The following ZNF516 variants were observed in gnomAD, a reference collection of about 807,000 sequenced individuals.
The protein encoded by ZNF516 is zinc finger protein 516.
A neutral mutation model predicts 79.7 loss-of-function variants in ZNF516; 19 were observed. The ratio of observed to expected loss-of-function variants is 0.24; its 90% CI spans 0.17 to 0.35. ZNF516 has a LOEUF of 0.35. Ranked by LOEUF, ZNF516 falls within the 10% of genes least tolerant of loss-of-function variation. The pLI, the probability that ZNF516 is intolerant of heterozygous loss-of-function variation, is 1.00. For synonymous variants in ZNF516, 877 were observed against 739.5 expected, an observed-to-expected ratio of 1.19 and a Z score of -3.02; for missense variants, 1,678 against 1,679.5, an observed-to-expected ratio of 1.00 and a Z score of 0.02.
At chr18:76,422,118 T>C (rs895323255) in intron 3 of ZNF516, among the ~76,000 whole-genome samples, 8 of 152,162 alleles carry the variant, frequency 5.3e-5, no homozygotes, top group Non-Finnish European at 7.3e-5. Context: ...TATCACCCAA[T>C]TGGAATTTGG....
In ZNF516 at chr18:76,378,976, C is replaced by T. The variant is rs690353; in HGVS notation, c.3138G>A (p.Pro1046=). The change falls in exon 4 of 7, where the codon CCG becomes CCA. Residue 1046 remains proline, a synonymous_variant. Coordinates refer to ENST00000443185, the MANE Select transcript of ZNF516 (RefSeq NM_014643.4). ...PPVLHSIKQE[P]VAEGHEKRLD... is the part of the protein sequence containing the mutation. ...GGCGCTTCTCATGCCCCTCGGCCAC[C>T]GGCTCCTGTTTGATGGAGTGTAGGA... 0.029 allele frequency: 46,886 copies of T among 1,613,474 alleles called. 3,766 individuals are homozygous for T. In the African/African-American group the frequency reaches 0.3, roughly 10 times the overall value.
intron 3 of ZNF516, among the ~76,000 whole-genome samples, chr18:76,395,887 G>A (rs911619196): frequency 3.9e-5 from 6 of 152,142 alleles, no homozygotes; most frequent in African/African-American, 1.4e-4. Context: ...CCCGCTCCTC[G>A]TCCAGCTCCC....
intron 3 of ZNF516, among the ~76,000 whole-genome samples, chr18:76,412,729 C>T (rs925086788): frequency 2.0e-5 from 3 of 152,356 alleles, no homozygotes; most frequent in Admixed American, 2.0e-4. Flanking sequence ...ACTGAGGCAG[C>T]TCCTGGACTC....
intron 2 of ZNF516, among the ~76,000 whole-genome samples, chr18:76,447,810 A>G (rs1912148426): frequency 6.6e-6 from 1 of 152,180 alleles, no homozygotes; most frequent in Non-Finnish European, 1.5e-5. Flanking sequence ...CCGTAATTTA[A>G]TTGTTTAGGC....
rs564957755 is a variant in ZNF516, at chr18:76,454,277, C to T, written c.-158+8751G>A. 2.0e-4 allele frequency among the ~76,000 whole-genome samples: 30 copies of T among 152,280 alleles called. No homozygotes were observed. The East Asian group carries it at 3.5e-3, about 18-fold the overall frequency. ...TTACCAAATTCTAAGCAATTGCTTA[C>T]GCATTTTTTGTTAAAAGAAAAAAAC... On this transcript the variant is annotated intron_variant, in intron 2 of 6. Coordinates refer to ENST00000443185, the MANE Select transcript of ZNF516 (RefSeq NM_014643.4).
chr18:76,395,655 G>C (rs1442842311), intron 3 of ZNF516, among the ~76,000 whole-genome samples: 1 of 151,946 alleles, frequency 6.6e-6, no homozygotes, highest in African/African-American at 2.4e-5. Context: ...CAGAGCTACA[G>C]TCACTGGAGT....
At chr18:76,482,831 C>T (rs1282380652) in intron 1 of ZNF516, among the ~76,000 whole-genome samples, 2 of 152,140 alleles carry the variant, frequency 1.3e-5, no homozygotes, top group Non-Finnish European at 1.5e-5. Context: ...CTGCAAAAAT[C>T]CTCACACCAC....
rs1911762516 is a variant in ZNF516, at chr18:76,442,607, T to C, written c.448A>G (p.Arg150Gly). The C allele has an allele frequency of 6.3e-7, 1 of 1,597,398 alleles. No individual in the cohort carries two copies. Among genetic ancestry groups the C allele is most frequent in the South Asian group, 1.1e-5 (1 of 90,796 alleles). Reference protein sequence around the residue: ...LNGASQADSGRVLLRSSKKGA... With the variant: ...LNGASQADSGGVLLRSSKKGA... Reference sequence around the variant, plus strand: ...TTCTTGCTGCTCCGCAGCAGGACTCTGCCGCTGTCGGCCTGCGAGGCCCCG... The same window carrying C: ...TTCTTGCTGCTCCGCAGCAGGACTCCGCCGCTGTCGGCCTGCGAGGCCCCG... The change falls in exon 3 of 7, where the codon AGA (arginine) becomes GGA (glycine). Residue 150 changes from arginine (R) to glycine (G), a missense_variant. By Grantham distance (125) the Arg-to-Gly change is moderately radical. Around this residue, in one of 5 missense-constraint regions of ZNF516, gnomAD observed 279 missense variants for 254.1 expected, o/e 1.10. Transcript: ENST00000443185.
chr18:76,441,069 C>T lies in ZNF516; in HGVS notation c.1810+176G>A, dbSNP rs752291548. Among the ~76,000 whole-genome samples, 32 of 152,256 alleles carry T rather than the reference C, an allele frequency of 2.1e-4. 1 individual carries two copies. In the Middle Eastern group the frequency reaches 0.021, roughly 98 times the overall value. On this transcript the variant is annotated intron_variant, in intron 3 of 6. Coordinates refer to ENST00000443185, the MANE Select transcript of ZNF516 (RefSeq NM_014643.4). ...AGGGACCCTGGGCAAGGGCACAAGG[C>T]CACCCGGGTGTGGAGTCCTGAGTCC...
At chr18:76,363,917 C>T (rs923006371) in intron 6 of ZNF516, among the ~76,000 whole-genome samples, 2 of 152,202 alleles carry the variant, frequency 1.3e-5, no homozygotes, top group Non-Finnish European at 2.9e-5. Context: ...CAGGGGATGC[C>T]TGTGAACACA....
chr18:76,441,174 G>C (rs879673673), intron 3 of ZNF516, 71 bp downstream of exon 3: 5 of 1,528,390 alleles, frequency 3.3e-6, no homozygotes, highest in African/African-American at 2.8e-5. Flanking sequence ...TTGAGTATAC[G>C]TTTACCTGGA....
intron 2 of ZNF516, among the ~76,000 whole-genome samples, chr18:76,457,637 C>T (rs993454221): frequency 4.6e-5 from 7 of 152,126 alleles, no homozygotes; most frequent in Admixed American, 6.6e-5. Context: ...AGATCCCTGA[C>T]GCCGGGGAGG....
intron 2 of ZNF516, among the ~76,000 whole-genome samples, chr18:76,452,132 G>A (rs1465867725): frequency 6.6e-6 from 1 of 151,912 alleles, no homozygotes; most frequent in Non-Finnish European, 1.5e-5. Flanking sequence ...CCCACTAGGG[G>A]AAAAAGGACA....
chr18:76,464,623 C>T (rs1913339722), intron 1 of ZNF516, among the ~76,000 whole-genome samples: 1 of 152,018 alleles, frequency 6.6e-6, no homozygotes, highest in African/African-American at 2.4e-5. Context: ...GCCTCCTGGA[C>T]TTGCAGGGCC....
At position 76,379,803 on chromosome 18, in the gene ZNF516, A is replaced by G. The variant is rs1271249121; in HGVS notation, c.2311T>C (p.Tyr771His). 7.4e-6 allele frequency: 12 copies of G among 1,613,748 alleles called. No homozygotes were observed. Among genetic ancestry groups the G allele is most frequent in the Middle Eastern group, 1.6e-4 (1 of 6,084 alleles). The change falls in exon 4 of 7, where the codon TAC becomes CAC. Residue 771 changes from tyrosine (Y) to histidine (H), a missense_variant. This residue lies in a region of ZNF516 where 1,294 missense variants were observed against 1,248.3 expected (regional missense o/e 1.04). Transcript: ENST00000443185. ...PCPYCSHKTY[Y>H]PEVLWMHKRI... is the part of the protein sequence containing the mutation. Reference sequence around the variant, plus strand: ...TTGTGCATCCACAGGACCTCGGGGTAGTAGGTCTTGTGGCTGCAGTAAGGA... The same window carrying G: ...TTGTGCATCCACAGGACCTCGGGGTGGTAGGTCTTGTGGCTGCAGTAAGGA...
intron 6 of ZNF516, among the ~76,000 whole-genome samples, chr18:76,365,120 A>G (rs577206099): frequency 6.6e-6 from 1 of 152,356 alleles, no homozygotes; most frequent in Non-Finnish European, 1.5e-5. Flanking sequence ...TAATAGCCAC[A>G]GCTAAAAATG....
At chr18:76,489,272 C>G (rs759785171) in intron 1 of ZNF516, among the ~76,000 whole-genome samples, 21 of 152,198 alleles carry the variant, frequency 1.4e-4, no homozygotes, top group Admixed American at 4.6e-4. Context: ...TGACTAAACT[C>G]TACGTAAATT....
intron 3 of ZNF516, among the ~76,000 whole-genome samples, chr18:76,391,406 C>A (rs1197306271): frequency 6.6e-6 from 1 of 152,122 alleles, no homozygotes; most frequent in Non-Finnish European, 1.5e-5. Context: ...CTAAACCTAA[C>A]CGCTAACCAT....
intron 1 of ZNF516, among the ~76,000 whole-genome samples, chr18:76,477,878 T>G (rs893698588): frequency 6.6e-6 from 1 of 152,114 alleles, no homozygotes; most frequent in African/African-American, 2.4e-5. Context: ...TGGTTTGCTT[T>G]GAGTTACTTC....
Sources: allele counts gnomAD v4.1 joint callset (sites outside exome capture counted in the v4.1 genomes callset), GRCh38; gene constraint gnomAD v4.1.1; regional missense constraint gnomAD v4.1.1; transcripts MANE v1.5; gene names NCBI Gene and HGNC (gene_info 2026-07-23, HGNC 2026-07-21).